The following PHC3 variants were observed in gnomAD, a reference collection of about 807,000 sequenced individuals.
The protein encoded by PHC3 is polyhomeotic-like protein 3.
PHC3 carries 13 observed loss-of-function variants against 107.4 expected under a neutral mutation model. The ratio of observed to expected loss-of-function variants is 0.12; its 90% CI spans 0.08 to 0.19. The LOEUF (loss-of-function observed/expected upper bound fraction) is 0.19, where lower values mean the gene tolerates loss of function less well. PHC3 is among the 10% of genes least tolerant of loss of function. PHC3 has a pLI of 1.00. For missense variants in PHC3, 992 were observed against 1,210.9 expected (o/e 0.82, Z 2.68); for synonymous variants, 456 against 427.4 (o/e 1.07, Z -0.83).
At chr3:170,121,314 A>ATTT (rs1720249830) in intron 9 of PHC3, among the ~76,000 whole-genome samples, 1 of 152,122 alleles carries the variant, frequency 6.6e-6, no homozygotes, top group African/African-American at 2.4e-5. Context: ...TCTCTTAAAA[A>ATTT]AAAGAAAGAA....
chr3:170,107,535 G>T (rs1377728350), intron 11 of PHC3, among the ~76,000 whole-genome samples: 3 of 152,092 alleles, frequency 2.0e-5, no homozygotes, highest in Admixed American at 6.5e-5. Flanking sequence ...TTTGAGACAA[G>T]GAGTTTGAGA....
At chr3:170,104,662 C>G (rs1716129717) in intron 12 of PHC3, among the ~76,000 whole-genome samples, 1 of 152,074 alleles carries the variant, frequency 6.6e-6, no homozygotes, top group Admixed American at 6.6e-5. Context: ...TATGCTGACA[C>G]CAAAACAAAT....
Position 170,096,079 on chromosome 3 carries a change from C to T in PHC3, c.*1151G>A, listed in dbSNP as rs1233145759. The T allele has an allele frequency of 6.6e-6, 1 of 152,090 alleles. No homozygotes were observed. The highest frequency in any genetic ancestry group is 1.5e-5 in the Non-Finnish European group (1 of 68,020). 9.4% of individuals were successfully genotyped at this position (152,090 alleles called of 1,614,324 possible). A position where few individuals can be genotyped will look rare whatever the true frequency, so the allele number is the denominator to read the frequency against. ...CATAGGTATAATCATATTATGTCTT[C>T]GTCAGTGCAGAGGAGCACAGAGGTA... On this transcript the variant is annotated 3_prime_UTR_variant, in exon 15 of 15. Transcript: ENST00000495893.
intron 11 of PHC3, among the ~76,000 whole-genome samples, chr3:170,111,362 G>A (rs1031696841): frequency 2.0e-5 from 3 of 148,074 alleles, no homozygotes; most frequent in African/African-American, 7.5e-5. Flanking sequence ...GAAAGGGAAG[G>A]AAGGAAAAAG....
At chr3:170,126,809 G>T (rs990254754) in intron 8 of PHC3, among the ~76,000 whole-genome samples, 1 of 151,778 alleles carries the variant, frequency 6.6e-6, no homozygotes, top group African/African-American at 2.4e-5. Flanking sequence ...CCAAAGTGCT[G>T]GGATTAGAGG....
At position 170,149,314 on chromosome 3, in the gene PHC3, G is replaced by A. The variant is rs569465244; in HGVS notation, c.415-70C>T. 6 of 1,454,112 alleles carry A rather than the reference G, an allele frequency of 4.1e-6. No homozygotes were observed. The South Asian group carries it at 8.3e-5, about 20-fold the overall frequency. 90.1% of individuals were successfully genotyped at this position (1,454,112 alleles called of 1,614,324 possible). On this transcript the variant is annotated intron_variant, in intron 4 of 14. Coordinates refer to ENST00000495893, the MANE Select transcript of PHC3 (RefSeq NM_024947.4). The stretch of plus-strand genomic sequence containing the variant: ...TCCATGTTACTGAATTTCACACCGA[G>A]CTGCAGTTAGGCAATCAATGGTATA...
chr3:170,176,480 T>G (rs181779952), intron 2 of PHC3, among the ~76,000 whole-genome samples: 2 of 152,276 alleles, frequency 1.3e-5, no homozygotes, highest in Non-Finnish European at 1.5e-5. Flanking sequence ...TCAGGGTGGA[T>G]GCAATTATAA....
intron 1 of PHC3, among the ~76,000 whole-genome samples, chr3:170,179,185 G>A (rs894079842): frequency 2.6e-5 from 4 of 152,068 alleles, no homozygotes; most frequent in African/African-American, 4.8e-5. Context: ...CTCAGATAAC[G>A]CATAGCCAAA....
intron 2 of PHC3, among the ~76,000 whole-genome samples, chr3:170,174,212 A>G (rs572581530): frequency 6.6e-6 from 1 of 151,924 alleles, no homozygotes; most frequent in African/African-American, 2.4e-5. Context: ...ATAATAATAA[A>G]ATAAAAATAA....
intron 8 of PHC3, among the ~76,000 whole-genome samples, chr3:170,126,659 T>C (rs1721356209): frequency 2.0e-5 from 3 of 151,266 alleles, no homozygotes; most frequent in African/African-American, 2.4e-5. Flanking sequence ...CTTGTGCCTA[T>C]GTCTCCCAAG....
At chr3:170,163,477 T>A (rs1349458531) in intron 4 of PHC3, among the ~76,000 whole-genome samples, 1 of 151,288 alleles carries the variant, frequency 6.6e-6, no homozygotes, top group African/African-American at 2.4e-5. Context: ...TGTGTGTGTG[T>A]GTGTGTGTGT....
chr3:170,126,086 T>C (rs986281017), intron 8 of PHC3: 1 of 412,938 alleles, frequency 2.4e-6, no homozygotes, highest in African/African-American at 2.2e-5. Context: ...AAAACTTTAA[T>C]TCTTAAGTAT....
At chr3:170,123,041 C>A (rs1720642473) in intron 8 of PHC3, among the ~76,000 whole-genome samples, 1 of 151,890 alleles carries the variant, frequency 6.6e-6, no homozygotes, top group African/African-American at 2.4e-5. Flanking sequence ...TTAAAAAATA[C>A]AAATAAAATA....
chr3:170,179,658 C>T (rs945081829), intron 1 of PHC3, among the ~76,000 whole-genome samples: 1 of 152,176 alleles, frequency 6.6e-6, no homozygotes, highest in Non-Finnish European at 1.5e-5. Context: ...TAAATTATGT[C>T]ACTTCCTCAT....
intron 5 of PHC3, among the ~76,000 whole-genome samples, chr3:170,146,169 G>A (rs1577150134): frequency 6.6e-6 from 1 of 152,154 alleles, no homozygotes; most frequent in South Asian, 2.1e-4. Flanking sequence ...GAGGTCAGGA[G>A]TTCAAGACCA....
Position 170,144,201 on chromosome 3 carries a change from C to CGTA in PHC3, c.672+1219_672+1221dup, listed in dbSNP as rs1382237279. Among the ~76,000 whole-genome samples the CGTA allele has an allele frequency of 7.3e-5, 11 of 150,680 alleles. No homozygotes were observed. The East Asian group carries it at 9.7e-4, about 13-fold the overall frequency. On this transcript the variant is annotated intron_variant, in intron 6 of 14. Transcript: ENST00000495893. ...GAAAAAAGAAAAAAAATTAGCCAGGCGTAGTAGTGCGTGCCTGTAATCCCA... is the reference window on the plus strand; with the variant it reads ...GAAAAAAGAAAAAAAATTAGCCAGGCGTAGTAGTAGTGCGTGCCTGTAATCCCA...
At chr3:170,112,222 T>G (rs569467340) in intron 11 of PHC3, among the ~76,000 whole-genome samples, 110 of 152,228 alleles carry the variant, frequency 7.2e-4, no homozygotes, top group African/African-American at 2.6e-3. Flanking sequence ...TTATTTCATT[T>G]TTTTTTTGAG....
At chr3:170,101,986 A>G (rs372868484) in intron 14 of PHC3, among the ~76,000 whole-genome samples, 1 of 152,206 alleles carries the variant, frequency 6.6e-6, no homozygotes, top group East Asian at 1.9e-4. Flanking sequence ...TAAAAGGACT[A>G]GCTTGATTTT....
At position 170,129,526 on chromosome 3, in the gene PHC3, A is replaced by C; in HGVS notation, c.946T>G (p.Ser316Ala). 6.2e-7 allele frequency: 1 copy of C among 1,613,522 alleles called. No individual in the cohort carries two copies. Among genetic ancestry groups the C allele is most frequent in the Admixed American group, 1.7e-5 (1 of 59,992 alleles). ...PASYSPIQPH[S>A]LIKHQQIPLH... ...GGAATCTGCTGATGTTTTATTAGAG[A>C]ATGAGGCTGAATTGGAGAATATGAA... Residue 316 changes from serine (S) to alanine (A), a missense_variant, in exon 8 of 15, where the codon TCT (serine) becomes GCT (alanine). Around this residue, in one of 6 missense-constraint regions of PHC3, gnomAD observed 543 missense variants for 590.8 expected, o/e 0.92. Transcript: ENST00000495893.
Sources: allele counts gnomAD v4.1 joint callset (sites outside exome capture counted in the v4.1 genomes callset), GRCh38; gene constraint gnomAD v4.1.1; regional missense constraint gnomAD v4.1.1; transcripts MANE v1.5; gene names NCBI Gene and HGNC (gene_info 2026-07-23, HGNC 2026-07-21).